The following TRAPPC10 variants were observed in gnomAD, a reference collection of about 807,000 sequenced individuals.
The protein encoded by TRAPPC10 is trafficking protein particle complex subunit 10, also known as TRAPP 130 kDa subunit.
Under a neutral mutation model 125.5 loss-of-function variants are expected in TRAPPC10, and 23 were observed. The ratio of observed to expected loss-of-function variants is 0.18; its 90% CI spans 0.13 to 0.26. The LOEUF (loss-of-function observed/expected upper bound fraction) is 0.26, where lower values mean the gene tolerates loss of function less well. Among genes scored for constraint, TRAPPC10 ranks in the 10% least tolerant of loss-of-function variants. The probability of loss-of-function intolerance (pLI) is 1.00; values close to 1 mark genes in which losing one functional copy is unlikely to be tolerated. For missense variants in TRAPPC10, 1,123 were observed against 1,308.4 expected (o/e 0.86, Z 2.19); for synonymous variants, 509 against 518.0 (o/e 0.98, Z 0.24).
intron 3 of TRAPPC10, among the ~76,000 whole-genome samples, chr21:44,048,006 C>G (rs1029579793): frequency 3.3e-5 from 5 of 152,200 alleles, no homozygotes; most frequent in African/African-American, 7.2e-5. Context: ...TTCCTTACAG[C>G]CGAGGCAACA....
chr21:44,041,672 T>C (rs774959567), intron 3 of TRAPPC10, among the ~76,000 whole-genome samples: 5 of 152,068 alleles, frequency 3.3e-5, no homozygotes, highest in African/African-American at 4.8e-5. Context: ...ACGCCCAGCT[T>C]TTTTGACTTT....
chr21:44,079,946 A>G, intron 12 of TRAPPC10, 69 bp from the exon 13 acceptor site: 1 of 1,393,608 alleles, frequency 7.2e-7, no homozygotes, highest in Non-Finnish European at 1.0e-6. Flanking sequence ...GCCGTAGGAG[A>G]CTTTGCATCC....
intron 2 of TRAPPC10, among the ~76,000 whole-genome samples, chr21:44,033,102 TG>T (rs898210436): frequency 2.0e-5 from 3 of 152,368 alleles, no homozygotes; most frequent in African/African-American, 7.2e-5. Flanking sequence ...AGGTGTTACT[TG>T]TAAATATAAA....
intron 1 of TRAPPC10, among the ~76,000 whole-genome samples, chr21:44,017,304 T>C (rs1298996493): frequency 6.6e-6 from 1 of 152,190 alleles, no homozygotes; most frequent in Non-Finnish European, 1.5e-5. Flanking sequence ...ATGACCTCGG[T>C]TCTTACATAA....
chr21:44,092,655 CA>C (rs2038666563), intron 19 of TRAPPC10, among the ~76,000 whole-genome samples: 1 of 151,896 alleles, frequency 6.6e-6, no homozygotes, highest in Non-Finnish European at 1.5e-5. Flanking sequence ...ACTGGGGGCT[CA>C]TCACTGTGCT....
At chr21:44,045,733 TTAG>T (rs1407677344) in intron 3 of TRAPPC10, among the ~76,000 whole-genome samples, 2 of 151,912 alleles carry the variant, frequency 1.3e-5, no homozygotes, top group East Asian at 1.9e-4. Context: ...TTTTGTATTT[TTAG>T]TAGTAGAGAC....
In TRAPPC10 at chr21:44,027,700, G is replaced by A. The variant is rs554459002; in HGVS notation, c.68-4391G>A. Among the ~76,000 whole-genome samples the A allele has an allele frequency of 2.9e-4, 44 of 152,270 alleles. 1 individual carries two copies. The highest frequency in any genetic ancestry group is 1.0e-3 in the African/African-American group (42 of 41,558). ...GGCGCACGGTGCTGTCTGGAGGGACGGTAAACAGGTGGCCCTTCTCTTGAC... is the reference window on the plus strand; with the variant it reads ...GGCGCACGGTGCTGTCTGGAGGGACAGTAAACAGGTGGCCCTTCTCTTGAC... On this transcript the variant is annotated intron_variant, in intron 1 of 22. Coordinates refer to ENST00000291574, the MANE Select transcript of TRAPPC10 (RefSeq NM_003274.5).
chr21:44,017,521 A>T (rs1383848860), intron 1 of TRAPPC10, among the ~76,000 whole-genome samples: 1 of 152,226 alleles, frequency 6.6e-6, no homozygotes, highest in Non-Finnish European at 1.5e-5. Flanking sequence ...AGGAATACTT[A>T]AAAATTCCAT....
chr21:44,084,512 A>G (rs1371728969), intron 15 of TRAPPC10, among the ~76,000 whole-genome samples: 2 of 152,230 alleles, frequency 1.3e-5, no homozygotes, highest in Admixed American at 1.3e-4. Context: ...ACACAGAAGA[A>G]TTAGCTCTGA....
chr21:44,047,529 AGTAT>A lies in TRAPPC10; in HGVS notation c.286-4748_286-4745del, dbSNP rs60653631. On this transcript the variant is annotated intron_variant, in intron 3 of 22. Coordinates refer to ENST00000291574, the MANE Select transcript of TRAPPC10 (RefSeq NM_003274.5). ...TTTTCTGTTGCACCCTCTCTGGGGG[AGTAT>A]GTGTGTGTGTGTGTGTGTGTGTGTG... Among the ~76,000 whole-genome samples, 225 of 104,466 alleles carry A rather than the reference AGTAT, an allele frequency of 2.2e-3. 1 individual carries two copies. Among genetic ancestry groups the A allele is most frequent in the African/African-American group, 9.1e-3 (144 of 15,826 alleles). 68.5% of individuals were successfully genotyped at this position (104,466 alleles called of 152,430 possible).
At chr21:44,054,903 G>C (rs992880697) in intron 4 of TRAPPC10, among the ~76,000 whole-genome samples, 2 of 152,156 alleles carry the variant, frequency 1.3e-5, no homozygotes, top group Non-Finnish European at 2.9e-5. Flanking sequence ...AAGATGCCAC[G>C]CCTGGGTGGA....
chr21:44,076,769 G>C (rs2037314752), intron 10 of TRAPPC10, 141 bp downstream of exon 10: 2 of 622,876 alleles, frequency 3.2e-6, no homozygotes, highest in African/African-American at 3.7e-5. Flanking sequence ...TGGTACCTGG[G>C]GAGTTGTGGA....
intron 3 of TRAPPC10, among the ~76,000 whole-genome samples, chr21:44,048,318 G>C (rs2034995464): frequency 6.6e-6 from 1 of 152,080 alleles, no homozygotes. Flanking sequence ...CTTCCCCTCT[G>C]TCACCCCCTG....
intron 20 of TRAPPC10, among the ~76,000 whole-genome samples, chr21:44,094,987 AAATT>A (rs988304767): frequency 2.7e-5 from 4 of 150,228 alleles, no homozygotes; most frequent in African/African-American, 9.7e-5. Flanking sequence ...ATAAAACCAC[AAATT>A]ATTAAATAAT....
chr21:44,094,345 C>T lies in TRAPPC10; in HGVS notation c.3168+112C>T, dbSNP rs984226570. 11 of 1,056,508 alleles carry T rather than the reference C, an allele frequency of 1.0e-5. No homozygotes were observed. The African/African-American group carries it at 1.1e-4, about 11-fold the overall frequency. 65.4% of individuals were successfully genotyped at this position (1,056,508 alleles called of 1,614,324 possible). ...AGCTTCTGTCAACATAATGAAGGAG[C>T]AGCTGGAGAAAAACAGTTGTTGGGG... On this transcript the variant is annotated intron_variant, in intron 20 of 22. Coordinates refer to ENST00000291574, the MANE Select transcript of TRAPPC10 (RefSeq NM_003274.5).
At chr21:44,028,952 G>C (rs1212749192) in intron 1 of TRAPPC10, among the ~76,000 whole-genome samples, 2 of 152,216 alleles carry the variant, frequency 1.3e-5, no homozygotes, top group East Asian at 3.8e-4. Context: ...AGCCCGCAGA[G>C]CTCTAGTGAC....
At chr21:44,041,972 A>C (rs994368562) in intron 3 of TRAPPC10, among the ~76,000 whole-genome samples, 14 of 152,002 alleles carry the variant, frequency 9.2e-5, no homozygotes, top group African/African-American at 3.4e-4. Context: ...GCGATCTCCC[A>C]AAGTGCTGGG....
intron 3 of TRAPPC10, chr21:44,046,481 A>G: frequency 3.9e-6 from 1 of 258,466 alleles, no homozygotes; most frequent in South Asian, 4.9e-5. Context: ...TGCAAGTGAC[A>G]AGGGGTGACA....
At chr21:44,085,268 AGCTAGTAT>A (rs1305473600) in intron 15 of TRAPPC10, among the ~76,000 whole-genome samples, 3 of 152,134 alleles carry the variant, frequency 2.0e-5, no homozygotes, top group African/African-American at 4.8e-5. Flanking sequence ...GGAATTTGGG[AGCTAGTAT>A]GCCTGGAAAT....
Sources: allele counts gnomAD v4.1 joint callset (sites outside exome capture counted in the v4.1 genomes callset), GRCh38; gene constraint gnomAD v4.1.1; transcripts MANE v1.5; gene names NCBI Gene and HGNC (gene_info 2026-07-23, HGNC 2026-07-21).